PTPRG: variants seen among roughly 807,000 people sequenced by gnomAD.
The protein encoded by PTPRG is receptor-type tyrosine-protein phosphatase gamma.
PTPRG carries 102 observed loss-of-function variants against 165.3 expected under a neutral mutation model. That is an observed-to-expected ratio of 0.62 (90% CI 0.53 to 0.73). The LOEUF is 0.73. Ranked by LOEUF, PTPRG falls within the 30% of genes least tolerant of loss-of-function variation. The pLI is 0.00. For missense variants in PTPRG, 1,866 were observed against 1,861.4 expected, an observed-to-expected ratio of 1.00 and a Z score of -0.05; for synonymous variants, 675 against 669.5, an observed-to-expected ratio of 1.01 and a Z score of -0.13.
chr3:62,175,681 G>A (rs1247455569), intron 8 of PTPRG, among the ~76,000 whole-genome samples: 1 of 152,186 alleles, frequency 6.6e-6, no homozygotes, highest in East Asian at 1.9e-4. Flanking sequence ...CTAGAAAGGA[G>A]AAATAAATAA....
intron 2 of PTPRG, among the ~76,000 whole-genome samples, chr3:61,923,748 C>A (rs1486615462): frequency 3.3e-5 from 4 of 121,570 alleles, no homozygotes; most frequent in African/African-American, 1.3e-4. Context: ...ACAGGCTGGT[C>A]TTGAACTGTT....
intron 2 of PTPRG, among the ~76,000 whole-genome samples, chr3:61,751,797 T>C (rs148599010): frequency 0.014 from 2,176 of 152,122 alleles, 55 homozygotes; most frequent in African/African-American, 0.049. Context: ...GAGACCATCC[T>C]GGCTAACACG....
At chr3:62,051,107 G>A (rs1361991691) in intron 4 of PTPRG, among the ~76,000 whole-genome samples, 1 of 152,190 alleles carries the variant, frequency 6.6e-6, no homozygotes, top group Non-Finnish European at 1.5e-5. Context: ...GGGCATAAGT[G>A]AGGCATGTCT....
At chr3:61,866,145 C>T (rs1320966117) in intron 2 of PTPRG, among the ~76,000 whole-genome samples, 1 of 152,190 alleles carries the variant, frequency 6.6e-6, no homozygotes, top group Non-Finnish European at 1.5e-5. Flanking sequence ...AGCACCGGTC[C>T]TCCTGCATCC....
At chr3:61,989,596 A>G in intron 2 of PTPRG, 29 bp from the exon 3 acceptor site, 5 of 1,600,654 alleles carry the variant, frequency 3.1e-6, no homozygotes, top group Non-Finnish European at 4.3e-6. Context: ...TTGAACCATG[A>G]GGATTGAAGT....
chr3:61,857,525 G>GT (rs2037145785), intron 2 of PTPRG, among the ~76,000 whole-genome samples: 1 of 152,142 alleles, frequency 6.6e-6, no homozygotes, highest in Admixed American at 6.5e-5. Context: ...CCAGCACAGC[G>GT]TATTGACAGT....
At position 62,252,994 on chromosome 3, in the gene PTPRG, T is replaced by C. The variant is rs1010171352; in HGVS notation, c.2468-2130T>C. Among the ~76,000 whole-genome samples, 22 of 152,222 alleles carry C rather than the reference T, an allele frequency of 1.4e-4. No individual in the cohort carries two copies. Among genetic ancestry groups the C allele is most frequent in the Admixed American group, 1.1e-3 (17 of 15,280 alleles). On this transcript the variant is annotated intron_variant, in intron 15 of 29. Coordinates refer to ENST00000474889, the MANE Select transcript of PTPRG (RefSeq NM_002841.4). The surrounding 1 kb of genome is among the most constrained non-coding windows in gnomAD (Gnocchi z 4.6). ...TTTCCATGATTATCACACTGAACTC[T>C]GCTGGATTTTTGCTGCTTCTAGCCA...
chr3:61,950,524 A>G (rs1200368341), intron 2 of PTPRG, among the ~76,000 whole-genome samples: 2 of 152,236 alleles, frequency 1.3e-5, no homozygotes, highest in Non-Finnish European at 2.9e-5. Context: ...ACAGAAGCCC[A>G]GAGGAACTTT....
chr3:61,836,006 C>G (rs1437368829), intron 2 of PTPRG, among the ~76,000 whole-genome samples: 1 of 151,518 alleles, frequency 6.6e-6, no homozygotes, highest in Non-Finnish European at 1.5e-5. Flanking sequence ...CGCCATTGCA[C>G]TCCAGCCTGG....
intron 1 of PTPRG, among the ~76,000 whole-genome samples, chr3:61,615,137 C>A (rs559042149): frequency 6.6e-6 from 1 of 152,228 alleles, no homozygotes; most frequent in Admixed American, 6.5e-5. Flanking sequence ...CAAGAACAGT[C>A]GTGTATCACA....
intron 1 of PTPRG, among the ~76,000 whole-genome samples, chr3:61,653,140 A>C (rs77089774): frequency 6.6e-6 from 1 of 152,234 alleles, no homozygotes; most frequent in Non-Finnish European, 1.5e-5. Context: ...CACAATGTAG[A>C]GATGAATGTG....
intron 5 of PTPRG, among the ~76,000 whole-genome samples, chr3:62,129,371 G>T (rs889911820): frequency 6.6e-6 from 1 of 152,058 alleles, no homozygotes; most frequent in Non-Finnish European, 1.5e-5. Context: ...AGTTCCTGTC[G>T]TAGTCTTTTT....
At chr3:61,818,700 A>G (rs1391037489) in intron 2 of PTPRG, among the ~76,000 whole-genome samples, 1 of 152,092 alleles carries the variant, frequency 6.6e-6, no homozygotes, top group Non-Finnish European at 1.5e-5. Context: ...AAAAAGTTGT[A>G]TAGAGGCTGC....
chr3:62,087,193 T>C (rs1438233865), intron 5 of PTPRG, among the ~76,000 whole-genome samples: 2 of 152,192 alleles, frequency 1.3e-5, no homozygotes, highest in Admixed American at 6.5e-5. Flanking sequence ...CCTGACCCTC[T>C]GAAAGGTTAA....
chr3:62,232,437 C>T (rs1036294432), intron 14 of PTPRG, among the ~76,000 whole-genome samples: 1 of 152,192 alleles, frequency 6.6e-6, no homozygotes, highest in Non-Finnish European at 1.5e-5. Flanking sequence ...AGAAATTTCT[C>T]TGTATAGTTT....
rs1017853421 is a variant in PTPRG, at chr3:62,233,820, A to G, written c.2375+2509A>G. ...ATTATCCTCCCAGAAAGGAGAGGAA[A>G]AAAACATTGAAGATCAGACCCAAGT... is the stretch of plus-strand genomic sequence containing the variant. On this transcript the variant is annotated intron_variant, in intron 14 of 29. Coordinates refer to ENST00000474889, the MANE Select transcript of PTPRG (RefSeq NM_002841.4). The surrounding 1 kb of genome is among the most constrained non-coding windows in gnomAD (Gnocchi z 4.7). Among the ~76,000 whole-genome samples the G allele has an allele frequency of 5.9e-5, 9 of 152,248 alleles. No individual in the cohort carries two copies. The highest frequency in any genetic ancestry group is 2.6e-4 in the Admixed American group (4 of 15,286).
chr3:61,658,249 G>A (rs2107013339), intron 1 of PTPRG, among the ~76,000 whole-genome samples: 1 of 152,336 alleles, frequency 6.6e-6, no homozygotes. Flanking sequence ...CCCGGTGCCT[G>A]TGGATTCAGG....
At chr3:61,794,440 C>T (rs939827307) in intron 2 of PTPRG, among the ~76,000 whole-genome samples, 11 of 152,070 alleles carry the variant, frequency 7.2e-5, no homozygotes, top group Admixed American at 2.0e-4. Flanking sequence ...AAATCTGGTC[C>T]CTATGTAATT....
chr3:61,972,869 G>A (rs1169970900), intron 2 of PTPRG, among the ~76,000 whole-genome samples: 1 of 151,196 alleles, frequency 6.6e-6, no homozygotes, highest in East Asian at 1.9e-4. Flanking sequence ...ATGTTGCTCA[G>A]GCTGGTCTTA....
Sources: gnomAD v4.1 joint callset for allele counts (sites outside exome capture counted in the v4.1 genomes callset) on GRCh38, gnomAD v4.1.1 for gene constraint, Gnocchi (gnomAD v3.1) non-coding constraint, MANE v1.5 for transcripts, NCBI Gene and HGNC (gene_info 2026-07-23, HGNC 2026-07-21) for gene names.